Variants in CYLD observed in about 807,000 individuals in gnomAD.
CYLD encodes the protein ubiquitin carboxyl-terminal hydrolase CYLD.
CYLD carries 26 observed loss-of-function variants against 104.5 expected under a neutral mutation model. That is an observed-to-expected ratio of 0.25 (90% CI 0.18 to 0.35). The LOEUF (loss-of-function observed/expected upper bound fraction) is 0.35, where lower values mean the gene tolerates loss of function less well. Among genes scored for constraint, CYLD ranks in the 10% least tolerant of loss-of-function variants. The pLI is 1.00. For synonymous variants in CYLD, 385 were observed against 399.9 expected (o/e 0.96, Z 0.45); for missense variants, 703 against 1,136.1 (o/e 0.62, Z 5.48).
chr16:50,768,330 T>G (rs2150960924), intron 5 of CYLD, among the ~76,000 whole-genome samples: 1 of 152,312 alleles, frequency 6.6e-6, no homozygotes, highest in Non-Finnish European at 1.5e-5. Flanking sequence ...CATGTCATCA[T>G]TAGGACTCTT....
At chr16:50,753,815 G>T (rs1256768926) in intron 4 of CYLD, among the ~76,000 whole-genome samples, 3 of 152,150 alleles carry the variant, frequency 2.0e-5, no homozygotes, top group East Asian at 3.8e-4. Context: ...GCTCATAAAT[G>T]ACAAAAGAAC....
chr16:50,787,739 T>G (rs1278218318), intron 13 of CYLD, 47 bp from the exon 14 acceptor site: 1 of 1,030,402 alleles, frequency 9.7e-7, no homozygotes, highest in Admixed American at 2.0e-5. Flanking sequence ...ATAAAATGAT[T>G]TAAAAATTTT....
chr16:50,782,916 ATTTT>A (rs386384680), intron 11 of CYLD, among the ~76,000 whole-genome samples: 1,038 of 87,644 alleles, frequency 0.012, 15 homozygotes, highest in African/African-American at 0.047. Context: ...ACAACTTAAG[ATTTT>A]TTTTTTTTTT....
intron 5 of CYLD, among the ~76,000 whole-genome samples, chr16:50,768,002 T>A (rs57097075): frequency 0.23 from 35,382 of 152,168 alleles, 6,834 homozygotes; most frequent in African/African-American, 0.54. Context: ...TTGAGATAAT[T>A]AAAATTAGTT....
intron 6 of CYLD, 68 bp downstream of exon 6, chr16:50,775,242 T>C: frequency 8.6e-7 from 1 of 1,160,130 alleles, no homozygotes; most frequent in Non-Finnish European, 1.3e-6. Flanking sequence ...GAAGAACTTT[T>C]CACACTGCCT....
chr16:50,791,655 T>G lies in CYLD; in HGVS notation c.2206T>G (p.Trp736Gly). The change falls in exon 15 of 19, where the codon TGG becomes GGG. Residue 736 changes from tryptophan (W) to glycine (G), a missense_variant. Transcript: ENST00000427738. Reference sequence around the variant, plus strand: ...TCCCACAATTCAGCAGTTGTTAGAATGGTCTTTTATCAACAGTAACCTGAA... The same window carrying G: ...TCCCACAATTCAGCAGTTGTTAGAAGGGTCTTTTATCAACAGTAACCTGAA... ...GVPTIQQLLEWSFINSNLKFA... is the reference protein window; with the variant it reads ...GVPTIQQLLEGSFINSNLKFA... 6.2e-7 allele frequency: 1 copy of G among 1,613,914 alleles called. No homozygotes were observed. Among genetic ancestry groups the G allele is most frequent in the Non-Finnish European group, 8.5e-7 (1 of 1,179,860 alleles).
intron 4 of CYLD, 41 bp downstream of exon 4, chr16:50,751,947 T>TAAAC: frequency 1.7e-5 from 15 of 906,028 alleles, no homozygotes; most frequent in African/African-American, 3.4e-5. Context: ...GATATATATA[T>TAAAC]TAGTTTATAT....
chr16:50,790,920 T>C (rs17223257), intron 14 of CYLD, among the ~76,000 whole-genome samples: 9,950 of 152,254 alleles, frequency 0.065, 453 homozygotes, highest in South Asian at 0.23. Context: ...ATGCTCAAAA[T>C]ATAAGAGTAA....
chr16:50,788,083 C>T (rs1267073840), intron 14 of CYLD, among the ~76,000 whole-genome samples: 1 of 152,046 alleles, frequency 6.6e-6, no homozygotes, highest in Non-Finnish European at 1.5e-5. Context: ...AATTTTTAAC[C>T]CTAGCGATAA....
At chr16:50,779,339 T>G (rs1193870745) in intron 8 of CYLD, among the ~76,000 whole-genome samples, 1 of 152,144 alleles carries the variant, frequency 6.6e-6, no homozygotes, top group Non-Finnish European at 1.5e-5. Context: ...TATAGAAGCG[T>G]TTCTTAAGGT....
At chr16:50,757,180 A>G (rs907557433) in intron 5 of CYLD, among the ~76,000 whole-genome samples, 2 of 151,676 alleles carry the variant, frequency 1.3e-5, no homozygotes, top group Non-Finnish European at 2.9e-5. Flanking sequence ...GATGATTCTT[A>G]AGGTTCCTTT....
intron 5 of CYLD, among the ~76,000 whole-genome samples, chr16:50,760,672 C>T (rs1967804426): frequency 1.3e-5 from 2 of 152,080 alleles, no homozygotes; most frequent in Admixed American, 6.5e-5. Flanking sequence ...AAAAAAATTT[C>T]ATAATTTATT....
intron 6 of CYLD, 134 bp from the exon 7 acceptor site, chr16:50,776,045 T>G (rs1969643881): frequency 2.9e-6 from 2 of 698,642 alleles, no homozygotes; most frequent in Admixed American, 2.2e-5. Flanking sequence ...TTGATGGCCT[T>G]TAAAAGGCAT....
rs369619557 is a variant in CYLD, at chr16:50,749,906, A to G, written c.208A>G (p.Ile70Val). 1.4e-5 allele frequency: 22 copies of G among 1,614,066 alleles called. No individual in the cohort carries two copies. Among genetic ancestry groups the G allele is most frequent in the Non-Finnish European group, 1.8e-5 (21 of 1,180,044 alleles). Residue 70 changes from isoleucine to valine, a missense_variant, in exon 3 of 19, where the codon ATT becomes GTT. Around this residue, in one of 5 missense-constraint regions of CYLD, gnomAD observed 142 missense variants for 165.1 expected, o/e 0.86. Coordinates refer to ENST00000427738, the MANE Select transcript of CYLD (RefSeq NM_001378743.1). ...IPSAKGKKNQ[I>V]GLKILEQPHA... Reference sequence around the variant, plus strand: ...TTCTGCAAAAGGCAAGAAAAATCAGATTGGATTAAAAATTCTAGAGCAACC... The same window carrying G: ...TTCTGCAAAAGGCAAGAAAAATCAGGTTGGATTAAAAATTCTAGAGCAACC...
At chr16:50,776,895 G>C (rs1969742860) in intron 7 of CYLD, among the ~76,000 whole-genome samples, 1 of 152,098 alleles carries the variant, frequency 6.6e-6, no homozygotes, top group Non-Finnish European at 1.5e-5. Context: ...TACAATTTTG[G>C]CTCATTTAAA....
Position 50,794,203 on chromosome 16 carries a change from C to T in CYLD, c.2470-9C>T. ...GGCCTAATGACATTCTTTTCATGGTCCATTTTAGGTCCACCTTCATCCGAA... is the reference window on the plus strand; with the variant it reads ...GGCCTAATGACATTCTTTTCATGGTTCATTTTAGGTCCACCTTCATCCGAA... On this transcript the variant is annotated splice_polypyrimidine_tract_variant and intron_variant, in intron 17 of 18. Coordinates refer to ENST00000427738, the MANE Select transcript of CYLD (RefSeq NM_001378743.1). The surrounding 1 kb of genome is among the most constrained non-coding windows in gnomAD (Gnocchi z 4.1). 1 of 1,612,626 alleles carries T rather than the reference C, an allele frequency of 6.2e-7. No individual in the cohort carries two copies.
chr16:50,788,863 T>G (rs1231987332), intron 14 of CYLD, among the ~76,000 whole-genome samples: 1 of 152,180 alleles, frequency 6.6e-6, no homozygotes, highest in African/African-American at 2.4e-5. Context: ...GAAATCAATT[T>G]TATTGAGATA....
chr16:50,779,433 A>AT (rs565103515), intron 8 of CYLD, among the ~76,000 whole-genome samples: 5 of 152,102 alleles, frequency 3.3e-5, no homozygotes, highest in Non-Finnish European at 7.4e-5. Flanking sequence ...CTGATAATAG[A>AT]TTTTTTTGGT....
chr16:50,800,364 G>A lies in CYLD; in HGVS notation c.*3856G>A. 4.3e-6 allele frequency: 1 copy of A among 233,278 alleles called. No homozygotes were observed. The highest frequency in any genetic ancestry group is 6.0e-5 in the East Asian group (1 of 16,714). The allele number at this position is 233,278 out of a possible 1,614,324, so 14.5% of individuals were successfully genotyped here. A position where few individuals can be genotyped will look rare whatever the true frequency, so the allele number is the denominator to read the frequency against. On this transcript the variant is annotated 3_prime_UTR_variant, in exon 19 of 19. Transcript: ENST00000427738. ...TTCCTTCACTTTTTGTGATTTTGTG[G>A]TCATGTAACGTTACTGTATTATTCT...
Sources: gnomAD v4.1 joint callset for allele counts (sites outside exome capture counted in the v4.1 genomes callset) on GRCh38, gnomAD v4.1.1 for gene constraint, gnomAD v4.1.1 regional missense constraint, Gnocchi (gnomAD v3.1) non-coding constraint, MANE v1.5 for transcripts, NCBI Gene and HGNC (gene_info 2026-07-23, HGNC 2026-07-21) for gene names.